The following TAF1L variants were observed in gnomAD, a reference collection of about 807,000 sequenced individuals.
TAF1L encodes the protein TATA-box binding protein associated factor 1 like.
A neutral mutation model predicts 128.8 loss-of-function variants in TAF1L; 30 were observed. That is an observed-to-expected ratio of 0.23 (90% CI 0.17 to 0.32). The LOEUF (loss-of-function observed/expected upper bound fraction) is 0.32, where lower values mean the gene tolerates loss of function less well. Among genes scored for constraint, TAF1L ranks in the 10% least tolerant of loss-of-function variants. TAF1L has a pLI of 1.00. For synonymous variants in TAF1L, 764 were observed against 790.7 expected, an observed-to-expected ratio of 0.97 and a Z score of 0.57; for missense variants, 2,099 against 2,253.7, an observed-to-expected ratio of 0.93 and a Z score of 1.39.
chr9:32,633,155 C>T lies in TAF1L; in HGVS notation c.2425G>A (p.Glu809Lys). 1 of 1,614,190 alleles carries T rather than the reference C, an allele frequency of 6.2e-7. No individual in the cohort carries two copies. The highest frequency in any genetic ancestry group is 8.5e-7 in the Non-Finnish European group (1 of 1,180,044). The change falls in exon 1 of 1, where the codon GAA becomes AAA. Residue 809 changes from glutamate (E) to lysine (K), a missense_variant. Physicochemically the swap from Glu to Lys is moderately conservative, Grantham distance 56. Transcript: ENST00000242310. ...CTTCTGGAGTTAGGCCCAGGAACTTCAAACAAGGGACACTGCTGGCCAACC... is the reference window on the plus strand; with the variant it reads ...CTTCTGGAGTTAGGCCCAGGAACTTTAAACAAGGGACACTGCTGGCCAACC... ...FVVGQQCPLF[E>K]VPGPNSRRAN...
Position 32,634,627 on chromosome 9 carries a change from G to C in TAF1L, c.953C>G (p.Pro318Arg). 6.2e-7 allele frequency: 1 copy of C among 1,614,152 alleles called. No individual in the cohort carries two copies. Among genetic ancestry groups the C allele is most frequent in the Non-Finnish European group, 8.5e-7 (1 of 1,180,016 alleles). Residue 318 changes from proline to arginine, a missense_variant, in exon 1 of 1, where the codon CCA (proline) becomes CGA (arginine). Transcript: ENST00000242310. ...AGCGAGACACTGCTCTGGGGGTGGT[G>C]GTGGAGCATAGTCATAGTTCCACAA... ...KSLWNYDYAP[P>R]PPPEQCLADD... is the part of the protein sequence containing the mutation.
rs1288748853 is a variant in TAF1L, at chr9:32,633,658, T to G, written c.1922A>C (p.Lys641Thr). ...IRQFHRPPLK[K>T]YSFGALSQPG... ...CTGAGAGAGTGCACCAAATGAGTAC[T>G]TTTTCAGAGGTGGGCGATGGAACTG... The change falls in exon 1 of 1, where the codon AAG becomes ACG. Residue 641 changes from lysine to threonine, a missense_variant. Coordinates refer to ENST00000242310, the MANE Select transcript of TAF1L (RefSeq NM_153809.2). The G allele has an allele frequency of 6.2e-7, 1 of 1,614,120 alleles. No individual in the cohort carries two copies. Among genetic ancestry groups the G allele is most frequent in the South Asian group, 1.1e-5 (1 of 91,072 alleles).
rs1407363191 is a variant in TAF1L at position 32,635,041 on chromosome 9, C to G, written c.539G>C (p.Ser180Thr). 2.5e-6 allele frequency: 4 copies of G among 1,614,038 alleles called. No individual in the cohort carries two copies. Among genetic ancestry groups the G allele is most frequent in the Non-Finnish European group, 3.4e-6 (4 of 1,180,044 alleles). Residue 180 changes from serine (S) to threonine (T), a missense_variant, in exon 1 of 1, where the codon AGT becomes ACT. By Grantham distance (58) the Ser-to-Thr change is moderately conservative. Transcript: ENST00000242310. The part of the protein sequence containing the change: ...DQDAITCVSE[S>T]GEDIILPSII... ...GGAGGGCAAGATGATGTCTTCTCCA[C>G]TTTCAGACACACAGGTAATAGCATC... is the stretch of plus-strand genomic sequence containing the variant.
chr9:32,634,155 G>T lies in TAF1L; in HGVS notation c.1425C>A (p.Pro475=). ...MAYNVQQGFA[P]TLDDDKPWYS... is the part of the protein sequence containing the mutation. ...ACCAAGGTTTGTCATCATCCAGAGT[G>T]GGTGCAAAACCTTGCTGAACATTGT... is the stretch of plus-strand genomic sequence containing the variant. The change falls in exon 1 of 1, where the codon CCC becomes CCA. Residue 475 remains proline (P), a synonymous_variant. Transcript: ENST00000242310. The T allele has an allele frequency of 6.2e-7, 1 of 1,614,140 alleles. No individual in the cohort carries two copies. Among genetic ancestry groups the T allele is most frequent in the Non-Finnish European group, 8.5e-7 (1 of 1,180,042 alleles).
chr9:32,630,069 C>T lies in TAF1L; in HGVS notation c.*30G>A, dbSNP rs748993855. On this transcript the variant is annotated 3_prime_UTR_variant, in exon 1 of 1. Transcript: ENST00000242310. ...CTCCAAATCATGGGAAGCCTCCCCA[C>T]CGTCTCCCTCATGGGACATCATGCT... 1 of 1,612,938 alleles carries T rather than the reference C, an allele frequency of 6.2e-7. No individual in the cohort carries two copies. Among genetic ancestry groups the T allele is most frequent in the South Asian group, 1.1e-5 (1 of 90,784 alleles).
In TAF1L at chr9:32,632,539, A is replaced by G. The variant is rs1160529068; in HGVS notation, c.3041T>C (p.Leu1014Pro). The G allele has an allele frequency of 1.5e-5, 24 of 1,614,110 alleles. No individual in the cohort carries two copies. Among genetic ancestry groups the G allele is most frequent in the Non-Finnish European group, 1.9e-5 (23 of 1,180,054 alleles). The change falls in exon 1 of 1, where the codon CTT (leucine) becomes CCT (proline). Residue 1014 changes from leucine (L) to proline (P), a missense_variant. This residue lies in a region of TAF1L where 1,213 missense variants were observed against 1,391.4 expected (regional missense o/e 0.87). Transcript: ENST00000242310. This position sits in a 1 kb window ranked among gnomAD's most constrained non-coding sequence, Gnocchi z 4.4. ...KKTVTGTDAD[L>P]RRLSLKNAKQ... is the part of the protein sequence containing the mutation. ...GGCATTTTTCAGGGAAAGGCGACGA[A>G]GGTCTGCATCTGTTCCTGTCACTGT... is the stretch of plus-strand genomic sequence containing the variant.
In TAF1L at chr9:32,631,032, G is replaced by A. The variant is rs1822510784; in HGVS notation, c.4548C>T (p.Pro1516=). 3 of 1,614,206 alleles carry A rather than the reference G, an allele frequency of 1.9e-6. No homozygotes were observed. Among genetic ancestry groups the A allele is most frequent in the Non-Finnish European group, 2.5e-6 (3 of 1,180,046 alleles). ...KLARLEKAIN[P]LLDDDDQVAF... ...CCACTTGGTCATCATCATCCAGCAA[G>A]GGGTTGATAGCTTTCTCTAAGCGAG... The change falls in exon 1 of 1, where the codon CCC becomes CCT. Residue 1516 remains proline, a synonymous_variant. Coordinates refer to ENST00000242310, the MANE Select transcript of TAF1L (RefSeq NM_153809.2). The surrounding 1 kb of genome is among the most constrained non-coding windows in gnomAD (Gnocchi z 4.1).
Position 32,630,333 on chromosome 9 carries a change from T to C in TAF1L, c.5247A>G (p.Glu1749=). Residue 1749 remains glutamate, a synonymous_variant, in exon 1 of 1, where the codon GAA becomes GAG. Transcript: ENST00000242310. ...GGDGDLADEE[E]GTVQQPEASV... is the part of the protein sequence containing the mutation. Reference sequence around the variant, plus strand: ...TGGCTTCAGGTTGTTGTACAGTTCCTTCCTCTTCATCTGCAAGATCACCAT... The same window carrying C: ...TGGCTTCAGGTTGTTGTACAGTTCCCTCCTCTTCATCTGCAAGATCACCAT... The C allele has an allele frequency of 1.2e-6, 2 of 1,614,210 alleles. No homozygotes were observed. Among genetic ancestry groups the C allele is most frequent in the Non-Finnish European group, 1.7e-6 (2 of 1,180,030 alleles).
At position 32,630,667 on chromosome 9, in the gene TAF1L, C is replaced by T. The variant is rs1822505867; in HGVS notation, c.4913G>A (p.Cys1638Tyr). Residue 1638 changes from cysteine to tyrosine, a missense_variant, in exon 1 of 1, where the codon TGT becomes TAT. Coordinates refer to ENST00000242310, the MANE Select transcript of TAF1L (RefSeq NM_153809.2). ...CTCCAAAGCTGCTTCTTTAGCTGTA[C>T]AAATATCCTTCTCAAGTTGAGTCAA... ...EHLTQLEKDI[C>Y]TAKEAALEEA... The T allele has an allele frequency of 6.2e-7, 1 of 1,614,180 alleles. No homozygotes were observed. Among genetic ancestry groups the T allele is most frequent in the Non-Finnish European group, 8.5e-7 (1 of 1,180,032 alleles).
At position 32,631,173 on chromosome 9, in the gene TAF1L, C is replaced by T. The variant is rs1302166695; in HGVS notation, c.4407G>A (p.Glu1469=). The T allele has an allele frequency of 1.9e-6, 3 of 1,614,048 alleles. No individual in the cohort carries two copies. The highest frequency in any genetic ancestry group is 2.5e-6 in the Non-Finnish European group (3 of 1,180,044). ...AGGTCGCACTGTTTTTCACAATTAG[C>T]TCCAGATGCTCTCTGAACTCTTCCC... is the stretch of plus-strand genomic sequence containing the variant. ...PSREEFREHL[E]LIVKNSATYN... is the part of the protein sequence containing the mutation. Residue 1469 remains glutamate (E), a synonymous_variant, in exon 1 of 1, where the codon GAG becomes GAA. Transcript: ENST00000242310. This position sits in a 1 kb window ranked among gnomAD's most constrained non-coding sequence, Gnocchi z 4.1.
rs1440938935 is a variant in TAF1L, at chr9:32,632,256, G to A, written c.3324C>T (p.Ser1108=). ...CAAAGTCACTATCTTCAGCTGAGATGCTGTCTGTGTCAGTTGATAAGACCT... is the reference window on the plus strand; with the variant it reads ...CAAAGTCACTATCTTCAGCTGAGATACTGTCTGTGTCAGTTGATAAGACCT... ...STEVLSTDTD[S]ISAEDSDFEE... is the part of the protein sequence containing the mutation. The change falls in exon 1 of 1, where the codon AGC becomes AGT. Residue 1108 remains serine, a synonymous_variant. Transcript: ENST00000242310. This position sits in a 1 kb window ranked among gnomAD's most constrained non-coding sequence, Gnocchi z 4.4. 3 of 1,614,198 alleles carry A rather than the reference G, an allele frequency of 1.9e-6. No individual in the cohort carries two copies. The highest frequency in any genetic ancestry group is 2.5e-6 in the Non-Finnish European group (3 of 1,180,034).
rs1454000338 is a variant in TAF1L, at chr9:32,635,649, G to T, written c.-70C>A. Reference sequence around the variant, plus strand: ...CTCCCTTACCCTACCAGCGTCTACCGGAAGCTGAATAAAGGCGGGGGGAGG... The same window carrying T: ...CTCCCTTACCCTACCAGCGTCTACCTGAAGCTGAATAAAGGCGGGGGGAGG... On this transcript the variant is annotated 5_prime_UTR_variant, in exon 1 of 1. Transcript: ENST00000242310. The T allele has an allele frequency of 1.4e-6, 2 of 1,433,432 alleles. No individual in the cohort carries two copies. Among genetic ancestry groups the T allele is most frequent in the African/African-American group, 1.4e-5 (1 of 68,982 alleles). 88.8% of individuals were successfully genotyped at this position (1,433,432 alleles called of 1,614,324 possible).
rs757472498 is a variant in TAF1L at position 32,630,716 on chromosome 9, T to C, written c.4864A>G (p.Thr1622Ala). The C allele has an allele frequency of 6.2e-7, 1 of 1,614,116 alleles. No homozygotes were observed. ...AQEIVNICYQ[T>A]ITEYDEHLTQ... ...AAATGCTCATCATACTCAGTAATTG[T>C]CTGGTAACAGATGTTCACAATCTCC... The change falls in exon 1 of 1, where the codon ACA (threonine) becomes GCA (alanine). Residue 1622 changes from threonine to alanine, a missense_variant. By Grantham distance (58) the Thr-to-Ala change is moderately conservative. Coordinates refer to ENST00000242310, the MANE Select transcript of TAF1L (RefSeq NM_153809.2).
chr9:32,630,757 T>A lies in TAF1L; in HGVS notation c.4823A>T (p.Tyr1608Phe), dbSNP rs760434023. 98 of 1,614,124 alleles carry A rather than the reference T, an allele frequency of 6.1e-5. 2 individuals carry two copies. The South Asian group carries it at 1.0e-3, about 17-fold the overall frequency. ...SVKYNGPESQYTKTAQEIVNI... is the reference protein window; with the variant it reads ...SVKYNGPESQFTKTAQEIVNI... ...CACAATCTCCTGAGCAGTCTTAGTG[T>A]ACTGACTCTCAGGTCCATTATACTT... Residue 1608 changes from tyrosine to phenylalanine, a missense_variant, in exon 1 of 1, where the codon TAC (tyrosine) becomes TTC (phenylalanine). Physicochemically the swap from Tyr to Phe is conservative, Grantham distance 22. Coordinates refer to ENST00000242310, the MANE Select transcript of TAF1L (RefSeq NM_153809.2).
rs148261812 is a variant in TAF1L at position 32,635,172 on chromosome 9, C to T, written c.408G>A (p.Ser136=). Residue 136 remains serine (S), a synonymous_variant, in exon 1 of 1, where the codon TCG becomes TCA. Coordinates refer to ENST00000242310, the MANE Select transcript of TAF1L (RefSeq NM_153809.2). Reference sequence around the variant, plus strand: ...CATCATAGTCATCTTCATCATAATCCGAGTGGTAAAGGGGCTGCAAGCTCC... The same window carrying T: ...CATCATAGTCATCTTCATCATAATCTGAGTGGTAAAGGGGCTGCAAGCTCC... ...TMGSLQPLYH[S]DYDEDDYDAD... The T allele has an allele frequency of 7.1e-5, 114 of 1,613,958 alleles. No individual in the cohort carries two copies. In the African/African-American group the frequency reaches 8.3e-4, roughly 12 times the overall value.
rs1168211013 is a variant in TAF1L, at chr9:32,632,374, C to T, written c.3206G>A (p.Gly1069Glu). The change falls in exon 1 of 1, where the codon GGA (glycine) becomes GAA (glutamate). Residue 1069 changes from glycine (G) to glutamate (E), a missense_variant. By Grantham distance (98) the Gly-to-Glu change is moderately conservative. Around this residue, in one of 4 missense-constraint regions of TAF1L, gnomAD observed 1,213 missense variants for 1,391.4 expected, o/e 0.87. Coordinates refer to ENST00000242310, the MANE Select transcript of TAF1L (RefSeq NM_153809.2). The surrounding 1 kb of genome is among the most constrained non-coding windows in gnomAD (Gnocchi z 4.4). Reference protein sequence around the residue: ...GEGPMSKFARGSRFSVAEHQE... With the variant: ...GEGPMSKFARESRFSVAEHQE... ...ATGCTCAGCCACAGAAAACCTTGAT[C>T]CACGGGCAAATTTACTCATGGGCCC... The T allele has an allele frequency of 6.2e-7, 1 of 1,614,166 alleles. No individual in the cohort carries two copies. Among genetic ancestry groups the T allele is most frequent in the East Asian group, 2.2e-5 (1 of 44,886 alleles).
chr9:32,633,605 G>A lies in TAF1L; in HGVS notation c.1975C>T (p.Leu659=). 1 of 1,614,110 alleles carries A rather than the reference G, an allele frequency of 6.2e-7. No homozygotes were observed. The highest frequency in any genetic ancestry group is 8.5e-7 in the Non-Finnish European group (1 of 1,180,036). ...QPGPHSVQPL[L]KHIKKKAKMR... ...TTGGCCTTTTTTTTGATGTGCTTTA[G>A]CAAAGGTTGGACTGAATGGGGACCT... is the stretch of plus-strand genomic sequence containing the variant. The change falls in exon 1 of 1, where the codon CTA becomes TTA. Residue 659 remains leucine, a synonymous_variant. Coordinates refer to ENST00000242310, the MANE Select transcript of TAF1L (RefSeq NM_153809.2).
Position 32,634,769 on chromosome 9 carries a change from C to T in TAF1L, c.811G>A (p.Val271Ile). 3.1e-6 allele frequency: 5 copies of T among 1,614,216 alleles called. No homozygotes were observed. The highest frequency in any genetic ancestry group is 4.2e-6 in the Non-Finnish European group (5 of 1,180,046). Residue 271 changes from valine (V) to isoleucine (I), a missense_variant, in exon 1 of 1, where the codon GTC (valine) becomes ATC (isoleucine). Val to Ile is a conservative substitution (Grantham distance 29). Around this residue, in one of 4 missense-constraint regions of TAF1L, gnomAD observed 473 missense variants for 429.6 expected, o/e 1.10. Transcript: ENST00000242310. ...CGAGCACTCCGCCAAACAGATGGGA[C>T]ATTCTTCCCTGGTCCAAAAAGATGT... ...FLHLFGPGKN[V>I]PSVWRSARRK...
rs1822569646 is a variant in TAF1L, at chr9:32,635,332, T to C, written c.248A>G (p.Asn83Ser). Residue 83 changes from asparagine (N) to serine (S), a missense_variant, in exon 1 of 1, where the codon AAT (asparagine) becomes AGT (serine). By Grantham distance (46) the Asn-to-Ser change is conservative. This residue lies in a region of TAF1L where 473 missense variants were observed against 429.6 expected (regional missense o/e 1.10). Transcript: ENST00000242310. ...ACCGCCAGTCCCAGTCAATTCTTCA[T>C]TTGCCGTGAGTTCAGTGATTAGGCT... ...LGSLITELTA[N>S]EELTGTGGAL... The C allele has an allele frequency of 3.1e-6, 5 of 1,614,056 alleles. No homozygotes were observed. Among genetic ancestry groups the C allele is most frequent in the Non-Finnish European group, 8.5e-7 (1 of 1,180,034 alleles).
Sources: allele counts gnomAD v4.1 joint callset, GRCh38; gene constraint gnomAD v4.1.1; regional missense constraint gnomAD v4.1.1; non-coding constraint Gnocchi (gnomAD v3.1); transcripts MANE v1.5; gene names NCBI Gene and HGNC (gene_info 2026-07-23, HGNC 2026-07-21).